The following CCDC63 variants were observed in gnomAD, a reference collection of about 807,000 sequenced individuals.
CCDC63 encodes coiled-coil domain-containing protein 63.
A neutral mutation model predicts 63.6 loss-of-function variants in CCDC63; 54 were observed. The ratio of observed to expected loss-of-function variants is 0.85; its 90% CI spans 0.68 to 1.07. The LOEUF is 1.07. Among genes scored for constraint, CCDC63 ranks in the 50% least tolerant of loss-of-function variants. The pLI, the probability that CCDC63 is intolerant of heterozygous loss-of-function variation, is 0.00. For missense variants in CCDC63, 637 were observed against 689.6 expected (o/e 0.92, Z 0.86); for synonymous variants, 253 against 266.1 (o/e 0.95, Z 0.48).
chr12:110,881,769 G>A (rs1015156770), intron 7 of CCDC63, among the ~76,000 whole-genome samples: 1 of 151,924 alleles, frequency 6.6e-6, no homozygotes, highest in African/African-American at 2.4e-5. Flanking sequence ...ATAAATAAAT[G>A]TTTAGGATAA....
In CCDC63 at chr12:110,853,591, G is replaced by A; in HGVS notation, c.179+17G>A. The A allele has an allele frequency of 6.2e-7, 1 of 1,614,030 alleles. No individual in the cohort carries two copies. The highest frequency in any genetic ancestry group is 1.1e-5 in the South Asian group (1 of 91,042). ...GAGTCAGTAGTAAGTGATGGTTGGA[G>A]TTTCGCACTGAGTGACCTTGGAGGA... On this transcript the variant is annotated intron_variant, in intron 3 of 11. Coordinates refer to ENST00000308208, the MANE Select transcript of CCDC63 (RefSeq NM_152591.3).
At chr12:110,885,057 T>C (rs2071261470) in intron 8 of CCDC63, among the ~76,000 whole-genome samples, 1 of 151,846 alleles carries the variant, frequency 6.6e-6, no homozygotes, top group South Asian at 2.1e-4. Context: ...CCCAACCCAA[T>C]AGTGACTTTA....
chr12:110,858,573 G>C lies in CCDC63; in HGVS notation c.180-13G>C, dbSNP rs1277331074. On this transcript the variant is annotated splice_polypyrimidine_tract_variant and intron_variant, in intron 3 of 11. Coordinates refer to ENST00000308208, the MANE Select transcript of CCDC63 (RefSeq NM_152591.3). Reference sequence around the variant, plus strand: ...AGGGGTTTGGGGTTAATCATGGGCTGCTTTTCCAACAGCAAGGAGATCAAG... The same window carrying C: ...AGGGGTTTGGGGTTAATCATGGGCTCCTTTTCCAACAGCAAGGAGATCAAG... 7 of 1,603,306 alleles carry C rather than the reference G, an allele frequency of 4.4e-6. No individual in the cohort carries two copies. The highest frequency in any genetic ancestry group is 1.3e-5 in the African/African-American group (1 of 74,602).
intron 8 of CCDC63, among the ~76,000 whole-genome samples, chr12:110,892,084 T>C (rs992330749): frequency 2.0e-5 from 3 of 152,060 alleles, no homozygotes; most frequent in African/African-American, 7.2e-5. Flanking sequence ...ACCAACAGAA[T>C]CGGAAGCCCT....
At chr12:110,856,555 A>C (rs2070773248) in intron 3 of CCDC63, among the ~76,000 whole-genome samples, 2 of 152,078 alleles carry the variant, frequency 1.3e-5, no homozygotes, top group African/African-American at 4.8e-5. Flanking sequence ...GGCTATTTAC[A>C]TTTGTAATTA....
intron 4 of CCDC63, among the ~76,000 whole-genome samples, chr12:110,867,236 C>T (rs1428746550): frequency 5.5e-5 from 7 of 127,508 alleles, no homozygotes; most frequent in Non-Finnish European, 8.6e-5. Flanking sequence ...GACCCCCCCA[C>T]CTCCCTCCCG....
chr12:110,904,873 G>T (rs1442438036), intron 11 of CCDC63, 82 bp downstream of exon 11: 1 of 1,154,894 alleles, frequency 8.7e-7, no homozygotes. Flanking sequence ...CCAGGTGCCC[G>T]AGAGGGTCTG....
intron 1 of CCDC63, among the ~76,000 whole-genome samples, chr12:110,847,524 T>C (rs2299666): frequency 0.56 from 84,818 of 150,620 alleles, 24,973 homozygotes; most frequent in Admixed American, 0.65. Flanking sequence ...CACTGCACGC[T>C]AGCCTGGGTG....
At chr12:110,862,214 A>AT (rs1386922902) in intron 4 of CCDC63, among the ~76,000 whole-genome samples, 2 of 152,200 alleles carry the variant, frequency 1.3e-5, no homozygotes, top group African/African-American at 4.8e-5. Context: ...AAGAGGCAAC[A>AT]CAGCGTGGGG....
At chr12:110,900,616 T>C (rs537398596) in intron 10 of CCDC63, among the ~76,000 whole-genome samples, 5 of 151,662 alleles carry the variant, frequency 3.3e-5, no homozygotes, top group South Asian at 2.1e-4. Flanking sequence ...TTTTTTTTTT[T>C]CGAGATGGAG....
intron 1 of CCDC63, among the ~76,000 whole-genome samples, chr12:110,849,124 G>C (rs1462005019): frequency 6.6e-6 from 1 of 152,166 alleles, no homozygotes; most frequent in Non-Finnish European, 1.5e-5. Flanking sequence ...AAATCCAGAG[G>C]TTCCTACATT....
intron 10 of CCDC63, 123 bp from the exon 11 acceptor site, chr12:110,904,465 C>A: frequency 1.3e-6 from 1 of 768,720 alleles, no homozygotes; most frequent in South Asian, 1.7e-5. Context: ...CTTGTCAGAG[C>A]CCAGATCCCG....
intron 9 of CCDC63, among the ~76,000 whole-genome samples, chr12:110,895,178 A>G (rs1210333398): frequency 1.3e-5 from 2 of 151,984 alleles, no homozygotes; most frequent in Non-Finnish European, 2.9e-5. Context: ...CAGTGGCACG[A>G]TCTCGGTTCA....
chr12:110,881,273 A>G lies in CCDC63; in HGVS notation c.830A>G (p.Glu277Gly), dbSNP rs1405357884. 1 of 1,613,624 alleles carries G rather than the reference A, an allele frequency of 6.2e-7. No homozygotes were observed. Among genetic ancestry groups the G allele is most frequent in the Non-Finnish European group, 8.5e-7 (1 of 1,179,784 alleles). ...AAGCTGAATGATCGCAATGAATTCG[A>G]GGAGCAGGCCAAAAGGGAGGAAGGT... The part of the protein sequence containing the change: ...LVKLNDRNEF[E>G]EQAKREEALK... The change falls in exon 7 of 12, where the codon GAG (glutamate) becomes GGG (glycine). Residue 277 changes from glutamate to glycine, a missense_variant. Coordinates refer to ENST00000308208, the MANE Select transcript of CCDC63 (RefSeq NM_152591.3).
Position 110,889,247 on chromosome 12 carries a change from G to T in CCDC63, c.1075-3829G>T, listed in dbSNP as rs559101098. Among the ~76,000 whole-genome samples, 1 of 152,324 alleles carries T rather than the reference G, an allele frequency of 6.6e-6. No individual in the cohort carries two copies. Among genetic ancestry groups the T allele is most frequent in the African/African-American group, 2.4e-5 (1 of 41,576 alleles). ...TGCTCTAGACCCTGATAATGTGGCA[G>T]TGAACAGGATGACAAAAAGTTCAGC... On this transcript the variant is annotated intron_variant, in intron 8 of 11. Transcript: ENST00000308208. This position sits in a 1 kb window ranked among gnomAD's most constrained non-coding sequence, Gnocchi z 4.1.
At chr12:110,857,979 G>A (rs1451875167) in intron 3 of CCDC63, among the ~76,000 whole-genome samples, 1 of 152,010 alleles carries the variant, frequency 6.6e-6, no homozygotes, top group Non-Finnish European at 1.5e-5. Flanking sequence ...GGTGGCTTGT[G>A]GCTGTAGTCC....
At chr12:110,882,969 C>A (rs545492331) in intron 7 of CCDC63, among the ~76,000 whole-genome samples, 1 of 152,202 alleles carries the variant, frequency 6.6e-6, no homozygotes, top group Non-Finnish European at 1.5e-5. Flanking sequence ...CCCAAGCCAT[C>A]CTCCCACTTT....
chr12:110,886,977 A>G (rs2071290393), intron 8 of CCDC63, among the ~76,000 whole-genome samples: 1 of 152,190 alleles, frequency 6.6e-6, no homozygotes, highest in Non-Finnish European at 1.5e-5. Flanking sequence ...CTGCACAAGG[A>G]CAAGTGCAGG....
chr12:110,889,886 A>G lies in CCDC63; in HGVS notation c.1075-3190A>G, dbSNP rs376051258. 2.0e-5 allele frequency among the ~76,000 whole-genome samples: 3 copies of G among 151,858 alleles called. No individual in the cohort carries two copies. Among genetic ancestry groups the G allele is most frequent in the African/African-American group, 4.8e-5 (2 of 41,302 alleles). ...TCTTTTTTCCTTTTTCCAAAATCAT[A>G]TATTTTTTTCCGATTAGAATTTTTT... On this transcript the variant is annotated intron_variant, in intron 8 of 11. Transcript: ENST00000308208. The surrounding 1 kb of genome is among the most constrained non-coding windows in gnomAD (Gnocchi z 4.1).
Sources: allele counts gnomAD v4.1 joint callset (sites outside exome capture counted in the v4.1 genomes callset), GRCh38; gene constraint gnomAD v4.1.1; non-coding constraint Gnocchi (gnomAD v3.1); transcripts MANE v1.5; gene names NCBI Gene and HGNC (gene_info 2026-07-23, HGNC 2026-07-21).